TNFRSF11A: variants seen among roughly 807,000 people sequenced by gnomAD.
TNFRSF11A encodes TNF receptor superfamily member 11a, also known as tumor necrosis factor receptor superfamily member 11A.
A neutral mutation model predicts 55.7 loss-of-function variants in TNFRSF11A; 32 were observed. That is an observed-to-expected ratio of 0.57 (90% CI 0.43 to 0.77). The LOEUF is 0.77. Ranked by LOEUF, TNFRSF11A falls within the 30% of genes least tolerant of loss-of-function variation. The pLI is 0.00. For synonymous variants in TNFRSF11A, 311 were observed against 331.0 expected, an observed-to-expected ratio of 0.94 and a Z score of 0.65; for missense variants, 753 against 809.8, an observed-to-expected ratio of 0.93 and a Z score of 0.85.
chr18:62,378,543 C>T (rs1333831410), intron 9 of TNFRSF11A, among the ~76,000 whole-genome samples: 1 of 152,164 alleles, frequency 6.6e-6, no homozygotes, highest in East Asian at 1.9e-4. Flanking sequence ...CTTGGGAGTT[C>T]CGTGAGCACG....
intron 1 of TNFRSF11A, among the ~76,000 whole-genome samples, chr18:62,336,069 A>G (rs1247472471): frequency 6.6e-6 from 1 of 152,166 alleles, no homozygotes; most frequent in African/African-American, 2.4e-5. Flanking sequence ...CCATTCATCA[A>G]TAGATAAATA....
chr18:62,355,103 A>G (rs546480291), intron 4 of TNFRSF11A, among the ~76,000 whole-genome samples: 15 of 152,318 alleles, frequency 9.8e-5, no homozygotes, highest in Non-Finnish European at 2.2e-4. Context: ...GTATTTAACT[A>G]TTGGACAGTT....
chr18:62,364,018 A>G (rs1909892174), intron 7 of TNFRSF11A, among the ~76,000 whole-genome samples: 2 of 152,188 alleles, frequency 1.3e-5, no homozygotes, highest in Non-Finnish European at 2.9e-5. Flanking sequence ...GCCCTCCTGG[A>G]GGAAGCATCT....
chr18:62,351,201 C>T (rs1392519797), intron 3 of TNFRSF11A, among the ~76,000 whole-genome samples: 1 of 151,902 alleles, frequency 6.6e-6, no homozygotes, highest in Non-Finnish European at 1.5e-5. Context: ...TGAGGTTTCA[C>T]CGTGTTGGCC....
rs1255085386 is a variant in TNFRSF11A, at chr18:62,369,293, C to T, written c.1376C>T (p.Pro459Leu). The change falls in exon 9 of 10, where the codon CCC becomes CTC. Residue 459 changes from proline to leucine, a missense_variant. Around this residue, in one of 3 missense-constraint regions of TNFRSF11A, gnomAD observed 567 missense variants for 596.7 expected, o/e 0.95. Coordinates refer to ENST00000586569, the MANE Select transcript of TNFRSF11A (RefSeq NM_003839.4). ...AACCCTCCTGGGGAGGACTGTGAAC[C>T]CCTCGTGGGTTCCCCAAAACGTGGA... ...CRNPPGEDCE[P>L]LVGSPKRGPL... 6.2e-7 allele frequency: 1 copy of T among 1,611,820 alleles called. No homozygotes were observed. The highest frequency in any genetic ancestry group is 1.1e-5 in the South Asian group (1 of 91,054).
At position 62,328,868 on chromosome 18, in the gene TNFRSF11A, C is replaced by T. The variant is rs555517433; in HGVS notation, c.75+3441C>T. 5.3e-5 allele frequency among the ~76,000 whole-genome samples: 8 copies of T among 152,356 alleles called. No individual in the cohort carries two copies. In the South Asian group the frequency reaches 1.7e-3, roughly 32 times the overall value. On this transcript the variant is annotated intron_variant, in intron 1 of 9. Coordinates refer to ENST00000586569, the MANE Select transcript of TNFRSF11A (RefSeq NM_003839.4). ...ATGGCAAACCTGTAATAGGAACATACTCCCTGTGTTGATAAGGAAATAGCT... is the reference window on the plus strand; with the variant it reads ...ATGGCAAACCTGTAATAGGAACATATTCCCTGTGTTGATAAGGAAATAGCT...
intron 1 of TNFRSF11A, among the ~76,000 whole-genome samples, chr18:62,332,840 C>T (rs1045075065): frequency 6.6e-6 from 1 of 152,166 alleles, no homozygotes; most frequent in African/African-American, 2.4e-5. Context: ...AGACTCAGGA[C>T]GTTGCTGCCT....
At chr18:62,366,851 C>G (rs879144844) in intron 8 of TNFRSF11A, 91 bp downstream of exon 8, 4 of 1,322,674 alleles carry the variant, frequency 3.0e-6, no homozygotes, top group East Asian at 2.3e-5. Context: ...CACCCCCCCC[C>G]ACCCCCACTT....
intron 1 of TNFRSF11A, among the ~76,000 whole-genome samples, chr18:62,347,555 C>T (rs1256578290): frequency 6.6e-6 from 1 of 152,196 alleles, no homozygotes; most frequent in African/African-American, 2.4e-5. Context: ...GGGCAGAGCC[C>T]AGGAAGCCCC....
rs375181632 is a variant in TNFRSF11A at position 62,368,979 on chromosome 18, C to A, written c.1062C>A (p.Ser354=). 1.1e-5 allele frequency: 18 copies of A among 1,614,126 alleles called. No homozygotes were observed. In the Admixed American group the frequency reaches 1.8e-4, roughly 16 times the overall value. The change falls in exon 9 of 10, where the codon TCC becomes TCA. Residue 354 remains serine (S), a synonymous_variant. Coordinates refer to ENST00000586569, the MANE Select transcript of TNFRSF11A (RefSeq NM_003839.4). ...AAGATGAATACATGGACAGGCCCTC[C>A]CAGCCCACAGACCAGTTACTGTTCC... is the stretch of plus-strand genomic sequence containing the variant. ...PTEDEYMDRP[S]QPTDQLLFLT...
rs1910117015 is a variant in TNFRSF11A at position 62,366,823 on chromosome 18, T to C, written c.783+63T>C. On this transcript the variant is annotated intron_variant, in intron 8 of 9. Transcript: ENST00000586569. ...TTCAACAGTTAGGCTGGTAGAGCCA[T>C]CCTAGTCACATATTGAGCACCCCCC... is the stretch of plus-strand genomic sequence containing the variant. 4.0e-6 allele frequency: 6 copies of C among 1,514,536 alleles called. No homozygotes were observed. The Admixed American group carries it at 1.0e-4, about 25-fold the overall frequency. The allele number at this position is 1,514,536 out of a possible 1,614,324, so 93.8% of individuals were successfully genotyped here. A position where few individuals can be genotyped will look rare whatever the true frequency, so the allele number is the denominator to read the frequency against.
rs1447746289 is a variant in TNFRSF11A at position 62,386,186 on chromosome 18, A to T, written c.*1152A>T. 6 of 152,148 alleles carry T rather than the reference A, an allele frequency of 3.9e-5. No homozygotes were observed. The highest frequency in any genetic ancestry group is 4.1e-4 in the South Asian group (2 of 4,822). 9.4% of individuals were successfully genotyped at this position (152,148 alleles called of 1,614,324 possible). The stretch of plus-strand genomic sequence containing the variant: ...CTTCTTATTCTAGAGGTCTCTCTGG[A>T]AAAGATGGAGAAAATGAACAGGACA... On this transcript the variant is annotated 3_prime_UTR_variant, in exon 10 of 10. Transcript: ENST00000586569.
At chr18:62,336,803 CAA>C (rs1280262737) in intron 1 of TNFRSF11A, 6 of 152,330 alleles carry the variant, frequency 3.9e-5, no homozygotes, top group Middle Eastern at 6.8e-3. Flanking sequence ...CTCTGGAAGA[CAA>C]AGACACTTGC....
intron 9 of TNFRSF11A, among the ~76,000 whole-genome samples, chr18:62,373,332 G>A (rs936951901): frequency 4.6e-5 from 7 of 152,212 alleles, no homozygotes; most frequent in Middle Eastern, 3.4e-3. Flanking sequence ...GGTGGCATGC[G>A]CCTGGAATCC....
Position 62,361,681 on chromosome 18 carries a change from A to G in TNFRSF11A, c.618A>G (p.Glu206=). The G allele has an allele frequency of 6.2e-7, 1 of 1,612,608 alleles. No individual in the cohort carries two copies. The highest frequency in any genetic ancestry group is 1.1e-5 in the South Asian group (1 of 90,994). ...SSLPARKPPN[E]PHVYLPGLII... ...ATTTCTCATTTTCTTCCAATACAGAACCCCATGTTTACTTGCCCGGTTTAA... is the reference window on the plus strand; with the variant it reads ...ATTTCTCATTTTCTTCCAATACAGAGCCCCATGTTTACTTGCCCGGTTTAA... The change falls in exon 7 of 10, where the codon GAA becomes GAG. Residue 206 remains glutamate (E), a splice_region_variant and synonymous_variant. Coordinates refer to ENST00000586569, the MANE Select transcript of TNFRSF11A (RefSeq NM_003839.4).
chr18:62,358,875 G>A (rs1368998118), intron 5 of TNFRSF11A, among the ~76,000 whole-genome samples: 1 of 152,144 alleles, frequency 6.6e-6, no homozygotes, highest in Non-Finnish European at 1.5e-5. Flanking sequence ...TGTACTGTAA[G>A]TTATGTAATA....
chr18:62,385,321 T>C lies in TNFRSF11A; in HGVS notation c.*287T>C. 1 of 313,628 alleles carries C rather than the reference T, an allele frequency of 3.2e-6. No individual in the cohort carries two copies. The highest frequency in any genetic ancestry group is 5.7e-6 in the Non-Finnish European group (1 of 174,670). The allele number at this position is 313,628 out of a possible 1,614,324, so 19.4% of individuals were successfully genotyped here. A position where few individuals can be genotyped will look rare whatever the true frequency, so the allele number is the denominator to read the frequency against. On this transcript the variant is annotated 3_prime_UTR_variant, in exon 10 of 10. Transcript: ENST00000586569. The stretch of plus-strand genomic sequence containing the variant: ...GTAATTTGTGGCACTATGACAGCTA[T>C]TTTTATGACTATCCTGTTCTGTGGG...
At chr18:62,375,522 C>G (rs1367372854) in intron 9 of TNFRSF11A, among the ~76,000 whole-genome samples, 4 of 152,146 alleles carry the variant, frequency 2.6e-5, no homozygotes. Flanking sequence ...ATATTGTGTT[C>G]AGGGACCTGT....
chr18:62,339,065 T>C (rs2046275050), intron 1 of TNFRSF11A, among the ~76,000 whole-genome samples: 1 of 152,216 alleles, frequency 6.6e-6, no homozygotes, highest in Non-Finnish European at 1.5e-5. Flanking sequence ...TCTGTTCTTG[T>C]CTAAAACGAG....
Sources: gnomAD v4.1 joint callset for allele counts (sites outside exome capture counted in the v4.1 genomes callset) on GRCh38, gnomAD v4.1.1 for gene constraint, gnomAD v4.1.1 regional missense constraint, MANE v1.5 for transcripts, NCBI Gene and HGNC (gene_info 2026-07-23, HGNC 2026-07-21) for gene names.